AFG2A: variants seen among roughly 807,000 people sequenced by gnomAD.
AFG2A encodes ATPase family gene 2 protein homolog A.
chr4:122,923,132 A>C, the AFG2A span: 1 of 1,614,128 alleles, frequency 6.2e-7, no homozygotes, highest in Non-Finnish European at 8.5e-7. Context: ...CGGCTAGGGT[A>C]CCTTGTGACC....
At chr4:123,043,777 T>C in the AFG2A span, among the ~76,000 whole-genome samples, 2 of 152,344 alleles carry the variant, frequency 1.3e-5, no homozygotes, top group African/African-American at 4.8e-5. Flanking sequence ...AAAATTGCCC[T>C]TGTTTGATGA....
At chr4:123,043,223 G>C in the AFG2A span, among the ~76,000 whole-genome samples, 2 of 152,132 alleles carry the variant, frequency 1.3e-5, no homozygotes, top group African/African-American at 4.8e-5. Context: ...TAAGAAGTCA[G>C]CAGTAGTTCT....
At chr4:123,151,599 G>A in the AFG2A span, among the ~76,000 whole-genome samples, 1 of 152,202 alleles carries the variant, frequency 6.6e-6, no homozygotes, top group South Asian at 2.1e-4. Context: ...TCACCAGTTA[G>A]AATGGTGATC....
At chr4:123,067,492 G>C in the AFG2A span, among the ~76,000 whole-genome samples, 5 of 151,870 alleles carry the variant, frequency 3.3e-5, no homozygotes, top group African/African-American at 1.2e-4. Context: ...ACTCCAGCCT[G>C]GGCAACGGGG....
chr4:123,095,765 G>A, the AFG2A span, among the ~76,000 whole-genome samples: 2 of 151,814 alleles, frequency 1.3e-5, no homozygotes, highest in Non-Finnish European at 2.9e-5. Flanking sequence ...TGTAATTTTG[G>A]CTACATTAAA....
At chr4:123,004,007 C>T in the AFG2A span, among the ~76,000 whole-genome samples, 1 of 152,208 alleles carries the variant, frequency 6.6e-6, no homozygotes, top group Non-Finnish European at 1.5e-5. Context: ...CGAGCCTGAG[C>T]AATGGCAGGC....
the AFG2A span, among the ~76,000 whole-genome samples, chr4:123,302,667 G>A: frequency 1.3e-5 from 2 of 152,058 alleles, no homozygotes; most frequent in Non-Finnish European, 2.9e-5. Flanking sequence ...CAGGACCAAG[G>A]CTGCAGGGCC....
chr4:123,085,990 C>T, the AFG2A span, among the ~76,000 whole-genome samples: 1 of 152,102 alleles, frequency 6.6e-6, no homozygotes, highest in Non-Finnish European at 1.5e-5. Context: ...AGTTATCCTT[C>T]TCATGTCCCT....
chr4:123,061,916 A>G, the AFG2A span, among the ~76,000 whole-genome samples: 1 of 152,212 alleles, frequency 6.6e-6, no homozygotes, highest in African/African-American at 2.4e-5. Flanking sequence ...CCTAAAAAGG[A>G]ACAGGTGGGA....
chr4:123,080,015 C>A, the AFG2A span, among the ~76,000 whole-genome samples: 1 of 152,116 alleles, frequency 6.6e-6, no homozygotes, highest in Non-Finnish European at 1.5e-5. Context: ...TCCCAAAGTG[C>A]TGAGATTACA....
the AFG2A span, among the ~76,000 whole-genome samples, chr4:123,255,280 G>A: frequency 6.6e-6 from 1 of 152,100 alleles, no homozygotes; most frequent in African/African-American, 2.4e-5. Flanking sequence ...CAGCACTCTG[G>A]GAGACCAAGG....
At chr4:123,043,811 G>A in the AFG2A span, among the ~76,000 whole-genome samples, 1 of 152,190 alleles carries the variant, frequency 6.6e-6, no homozygotes, top group Non-Finnish European at 1.5e-5. Flanking sequence ...AAACTTTGTG[G>A]TAAAGGAGGA....
At chr4:122,977,051 C>T in the AFG2A span, among the ~76,000 whole-genome samples, 1 of 152,160 alleles carries the variant, frequency 6.6e-6, no homozygotes, top group African/African-American at 2.4e-5. Context: ...TCATCCCCTC[C>T]CCTACAAGGA....
At chr4:122,957,256 T>C in the AFG2A span, among the ~76,000 whole-genome samples, 2 of 152,246 alleles carry the variant, frequency 1.3e-5, no homozygotes, top group African/African-American at 4.8e-5. Flanking sequence ...CTTACACTTA[T>C]GTAGTTAGGG....
the AFG2A span, among the ~76,000 whole-genome samples, chr4:123,220,709 A>G: frequency 6.6e-6 from 1 of 151,584 alleles, no homozygotes; most frequent in African/African-American, 2.4e-5. Context: ...CACATATTCT[A>G]GTTGCTAGTG....
chr4:123,111,723 C>A, the AFG2A span, among the ~76,000 whole-genome samples: 1 of 150,332 alleles, frequency 6.7e-6, no homozygotes, highest in Non-Finnish European at 1.5e-5. Context: ...TCTTCTTCTT[C>A]TTCTTCTTCT....
At chr4:122,952,013 CTG>C in the AFG2A span, among the ~76,000 whole-genome samples, 1 of 152,188 alleles carries the variant, frequency 6.6e-6, no homozygotes, top group African/African-American at 2.4e-5. Flanking sequence ...TGGCCACAGT[CTG>C]TGTCTGGGCA....
the AFG2A span, among the ~76,000 whole-genome samples, chr4:123,220,781 A>C: frequency 2.0e-5 from 3 of 152,150 alleles, no homozygotes; most frequent in Admixed American, 2.0e-4. Flanking sequence ...TATAATGGTT[A>C]ATCAGTTTTT....
the AFG2A span, among the ~76,000 whole-genome samples, chr4:123,274,049 C>A: frequency 6.6e-6 from 1 of 152,060 alleles, no homozygotes; most frequent in Non-Finnish European, 1.5e-5. Context: ...TATTTTCTGA[C>A]CTGCTTGATA....
Sources: gnomAD v4.1 joint callset for allele counts (sites outside exome capture counted in the v4.1 genomes callset) on GRCh38, gnomAD v4.1.1 for gene constraint, MANE v1.5 for transcripts, NCBI Gene and HGNC (gene_info 2026-07-23, HGNC 2026-07-21) for gene names.